The following LHFPL1 variants were observed in gnomAD, a reference collection of about 807,000 sequenced individuals.
The protein encoded by LHFPL1 is LHFPL tetraspan subfamily member 1.
A neutral mutation model predicts 12.1 loss-of-function variants in LHFPL1; 4 were observed. The observed-to-expected ratio is 0.33, with a 90% CI of 0.16 to 0.76. LHFPL1 has a LOEUF of 0.76. LHFPL1 is among the 30% of genes least tolerant of loss of function. The pLI is 0.61. For missense variants in LHFPL1, 141 were observed against 174.1 expected, an observed-to-expected ratio of 0.81 and a Z score of 1.07; for synonymous variants, 52 against 61.9, an observed-to-expected ratio of 0.84 and a Z score of 0.75.
chrX:112,660,013 T>C (rs1050265325), intron 3 of LHFPL1, among the ~76,000 whole-genome samples: 1 of 112,112 alleles, frequency 8.9e-6, no homozygotes, highest in Non-Finnish European at 1.9e-5. Flanking sequence ...TCCTACTCTC[T>C]TTCATCATGA....
At position 112,638,939 on chromosome X, in the gene LHFPL1, T is replaced by C. The variant is rs1237500392; in HGVS notation, c.482-7338A>G. On this transcript the variant is annotated intron_variant, in intron 3 of 3. Transcript: ENST00000371968. ...TTTTGCCATGAAGACCTGAATTTTA[T>C]GTTAGCAAGAAAAGTAGGGGTTTGG... Among the ~76,000 whole-genome samples, 5 of 111,519 alleles carry C rather than the reference T, an allele frequency of 4.5e-5. No individual in the cohort carries two copies. The East Asian group carries it at 8.5e-4, about 19-fold the overall frequency.
At chrX:112,643,106 C>A (rs1006113847) in intron 3 of LHFPL1, among the ~76,000 whole-genome samples, 1 of 104,581 alleles carries the variant, frequency 9.6e-6, no homozygotes, top group East Asian at 3.0e-4. Context: ...AAAAGCCGGG[C>A]GCAGTGGCTC....
At chrX:112,672,950 A>G (rs1004765726) in intron 1 of LHFPL1, among the ~76,000 whole-genome samples, 2 of 111,872 alleles carry the variant, frequency 1.8e-5, no homozygotes, top group African/African-American at 6.5e-5. Flanking sequence ...GTCACAGAGT[A>G]AGTTAGCAAG....
intron 3 of LHFPL1, 69 bp from the exon 4 acceptor site, chrX:112,631,670 T>C (rs1232724752): frequency 3.9e-6 from 3 of 777,845 alleles, no homozygotes; most frequent in East Asian, 6.5e-5. Context: ...TAATGAACTA[T>C]AGAAATGATT....
chrX:112,631,315 T>C lies in LHFPL1; in HGVS notation c.*105A>G, dbSNP rs1746673931. 9 of 661,862 alleles carry C rather than the reference T, an allele frequency of 1.4e-5. No homozygotes were observed. The highest frequency in any genetic ancestry group is 2.2e-5 in the African/African-American group (1 of 45,344). The allele number at this position is 661,862 out of a possible 1,213,427, so 54.5% of individuals were successfully genotyped here. A position where few individuals can be genotyped will look rare whatever the true frequency, so the allele number is the denominator to read the frequency against. On this transcript the variant is annotated 3_prime_UTR_variant, in exon 4 of 4. Coordinates refer to ENST00000371968, the MANE Select transcript of LHFPL1 (RefSeq NM_178175.4). The stretch of plus-strand genomic sequence containing the variant: ...ATTAGTTTAAAAAGCATGCAAACAC[T>C]AGGCTATGCTAATGACAGTCAGATG...
intron 3 of LHFPL1, among the ~76,000 whole-genome samples, chrX:112,642,956 A>G (rs111775540): frequency 0.058 from 6,321 of 109,650 alleles, 183 homozygotes; most frequent in Middle Eastern, 0.14. Context: ...GTACCTGTAG[A>G]GCATTGTTTT....
rs780249117 is a variant in LHFPL1, at chrX:112,631,403, C to T, written c.*17G>A. On this transcript the variant is annotated 3_prime_UTR_variant, in exon 4 of 4. Coordinates refer to ENST00000371968, the MANE Select transcript of LHFPL1 (RefSeq NM_178175.4). ...CCCTCCTCCCCTTTCCCACCCTCTC[C>T]AATCTTCTTTCAAAGCTCAAGGTTT... is the stretch of plus-strand genomic sequence containing the variant. The T allele has an allele frequency of 3.3e-5, 39 of 1,190,917 alleles. No individual in the cohort carries two copies. The South Asian group carries it at 7.2e-4, about 22-fold the overall frequency.
At chrX:112,641,596 G>A (rs74654552) in intron 3 of LHFPL1, among the ~76,000 whole-genome samples, 10,301 of 112,031 alleles carry the variant, frequency 0.092, 494 homozygotes, top group Non-Finnish European at 0.14. Flanking sequence ...CTATCTCACA[G>A]AGCAGCTCTG....
intron 3 of LHFPL1, among the ~76,000 whole-genome samples, chrX:112,652,694 C>T (rs1930888685): frequency 1.8e-5 from 2 of 111,555 alleles, no homozygotes; most frequent in Non-Finnish European, 3.8e-5. Flanking sequence ...AAATATGCCA[C>T]ACATAGCTAA....
At chrX:112,659,946 T>A (rs939852000) in intron 3 of LHFPL1, among the ~76,000 whole-genome samples, 1 of 112,489 alleles carries the variant, frequency 8.9e-6, no homozygotes, top group Admixed American at 9.4e-5. Flanking sequence ...ATGGCCTTGT[T>A]GTTCCCAAAT....
At chrX:112,644,855 T>C (rs1426764880) in intron 3 of LHFPL1, among the ~76,000 whole-genome samples, 3 of 112,015 alleles carry the variant, frequency 2.7e-5, no homozygotes, top group African/African-American at 9.8e-5. Context: ...AGAAGGAAAC[T>C]GACAGAAAGA....
At chrX:112,678,748 G>C (rs1323554534) in intron 1 of LHFPL1, among the ~76,000 whole-genome samples, 1 of 111,687 alleles carries the variant, frequency 9.0e-6, no homozygotes, top group African/African-American at 3.3e-5. Context: ...CCCCCTCCTT[G>C]ATTCACTGAA....
intron 3 of LHFPL1, among the ~76,000 whole-genome samples, chrX:112,645,422 GGATGAT>G (rs1284914754): frequency 9.0e-6 from 1 of 111,099 alleles, no homozygotes; most frequent in African/African-American, 3.3e-5. Flanking sequence ...ACTGGTATCA[GGATGAT>G]GATGATGATG....
intron 3 of LHFPL1, among the ~76,000 whole-genome samples, chrX:112,659,755 G>C (rs1931120951): frequency 9.0e-6 from 1 of 111,690 alleles, no homozygotes; most frequent in African/African-American, 3.3e-5. Context: ...ATGTTTACCA[G>C]TCAGCCTTGT....
intron 3 of LHFPL1, among the ~76,000 whole-genome samples, chrX:112,637,616 A>G (rs1326788525): frequency 8.9e-6 from 1 of 112,196 alleles, no homozygotes; most frequent in Non-Finnish European, 1.9e-5. Context: ...AGAAGGAAAC[A>G]ATGTTGAAAA....
intron 3 of LHFPL1, among the ~76,000 whole-genome samples, chrX:112,634,046 C>T (rs912792421): frequency 9.0e-6 from 1 of 111,707 alleles, no homozygotes; most frequent in Non-Finnish European, 1.9e-5. Context: ...AGAGTGAAAA[C>T]TCCAGAGACT....
intron 3 of LHFPL1, among the ~76,000 whole-genome samples, chrX:112,650,687 A>G (rs56987679): frequency 0.02 from 2,254 of 111,011 alleles, 51 homozygotes; most frequent in African/African-American, 0.07. Flanking sequence ...AACAGCACAG[A>G]CTCTCTCAAG....
At chrX:112,661,893 T>C (rs980186199) in intron 2 of LHFPL1, 3 of 112,134 alleles carry the variant, frequency 2.7e-5, no homozygotes, top group African/African-American at 9.7e-5. Flanking sequence ...CCAAGTTCAA[T>C]TCAAAGTTAT....
chrX:112,663,890 C>T (rs187296277), intron 2 of LHFPL1, among the ~76,000 whole-genome samples: 30 of 111,538 alleles, frequency 2.7e-4, no homozygotes, highest in South Asian at 1.1e-3. Context: ...TGTGAGTTTA[C>T]GCAAGTTACT....
Sources: allele counts gnomAD v4.1 joint callset (sites outside exome capture counted in the v4.1 genomes callset), GRCh38; gene constraint gnomAD v4.1.1; transcripts MANE v1.5; gene names NCBI Gene and HGNC (gene_info 2026-07-23, HGNC 2026-07-21).